Variants in RUNX1T1 observed in about 807,000 individuals in gnomAD.
The protein encoded by RUNX1T1 is protein CBFA2T1.
RUNX1T1 carries 4 observed loss-of-function variants against 62.8 expected under a neutral mutation model. That is an observed-to-expected ratio of 0.06 (90% CI 0.03 to 0.15). RUNX1T1 has a LOEUF of 0.15. Among genes scored for constraint, RUNX1T1 ranks in the 10% least tolerant of loss-of-function variants. The probability of loss-of-function intolerance (pLI) is 1.00; values close to 1 mark genes in which losing one functional copy is unlikely to be tolerated. For missense variants in RUNX1T1, 508 were observed against 754.3 expected (o/e 0.67, Z 3.82); for synonymous variants, 291 against 286.0 (o/e 1.02, Z -0.18).
intron 10 of RUNX1T1, among the ~76,000 whole-genome samples, chr8:91,968,103 C>T (rs1002199440): frequency 1.8e-4 from 28 of 152,166 alleles, no homozygotes; most frequent in Admixed American, 7.2e-4. Context: ...ACCTCTGAGA[C>T]AGTAACTGAG....
chr8:92,064,558 T>G (rs982481112), upstream of RUNX1T1, among the ~76,000 whole-genome samples: 4 of 152,186 alleles, frequency 2.6e-5, no homozygotes, highest in African/African-American at 9.7e-5. Flanking sequence ...CATCCTAAAT[T>G]AGTAGACTTT....
intron 8 of RUNX1T1, among the ~76,000 whole-genome samples, chr8:91,985,541 T>C (rs926961633): frequency 2.6e-5 from 4 of 152,200 alleles, no homozygotes; most frequent in Non-Finnish European, 4.4e-5. Context: ...GGAAGGGTGC[T>C]ACATCTTTAT....
upstream of RUNX1T1, among the ~76,000 whole-genome samples, chr8:92,067,039 C>T (rs1377089459): frequency 6.6e-6 from 1 of 152,122 alleles, no homozygotes; most frequent in African/African-American, 2.4e-5. Flanking sequence ...AAGAACTTTG[C>T]TTAGATGACA....
At chr8:92,041,323 A>G (rs1252636605) in intron 1 of RUNX1T1, among the ~76,000 whole-genome samples, 3 of 152,206 alleles carry the variant, frequency 2.0e-5, no homozygotes, top group African/African-American at 7.2e-5. Flanking sequence ...CAAATACATG[A>G]CTAAAGGCCA....
At chr8:91,999,488 C>G (rs1819351023) in intron 5 of RUNX1T1, among the ~76,000 whole-genome samples, 1 of 152,090 alleles carries the variant, frequency 6.6e-6, no homozygotes, top group East Asian at 1.9e-4. Flanking sequence ...ATAAGTTAAT[C>G]AAAGCATTTT....
exon 10 of RUNX1T1, chr8:91,970,721 C>T (rs1812645968): frequency 6.2e-7 from 1 of 1,613,700 alleles, no homozygotes; most frequent in Non-Finnish European, 8.5e-7. Context: ...GCCGTTTGGC[C>T]TCGGCGACCG....
At chr8:92,021,767 G>A (rs1824143559) in intron 1 of RUNX1T1, among the ~76,000 whole-genome samples, 1 of 151,908 alleles carries the variant, frequency 6.6e-6, no homozygotes, top group Non-Finnish European at 1.5e-5. Flanking sequence ...GTACCAGCAG[G>A]TGTGAGCTTC....
exon 11 of RUNX1T1, chr8:91,959,951 CAG>C (rs1810070335): frequency 7.0e-6 from 3 of 430,498 alleles, no homozygotes; most frequent in Non-Finnish European, 1.3e-5. Flanking sequence ...TTGAAAATAA[CAG>C]GGAGGAGGTC....
chr8:92,010,045 G>A (rs1173315429), intron 4 of RUNX1T1: 1 of 152,152 alleles, frequency 6.6e-6, no homozygotes, highest in Non-Finnish European at 1.5e-5. Context: ...AACCTTATGT[G>A]TCTGATACAG....
intron 5 of RUNX1T1, among the ~76,000 whole-genome samples, chr8:91,999,356 G>A (rs1563718197): frequency 6.6e-6 from 1 of 152,132 alleles, no homozygotes; most frequent in African/African-American, 2.4e-5. Context: ...AAACTCAAGA[G>A]GCTTAATCCT....
chr8:91,999,897 C>T (rs909500078), intron 5 of RUNX1T1, among the ~76,000 whole-genome samples: 1 of 152,118 alleles, frequency 6.6e-6, no homozygotes, highest in Admixed American at 6.6e-5. Context: ...GAGGAGTATG[C>T]AGTAAAGTTA....
chr8:92,062,781 G>A (rs974603333), exon 1 of RUNX1T1: 8 of 1,500,406 alleles, frequency 5.3e-6, no homozygotes, highest in Non-Finnish European at 7.1e-6. Flanking sequence ...AGGATGACAG[G>A]AGCACATGTG....
chr8:92,031,860 G>A (rs181347267), intron 1 of RUNX1T1, among the ~76,000 whole-genome samples: 348 of 152,162 alleles, frequency 2.3e-3, no homozygotes, highest in African/African-American at 7.9e-3. Context: ...GGGAGGCTGA[G>A]GCGGGCGGGT....
chr8:92,008,384 TCTCTCACACACACA>T (rs1370186820), intron 4 of RUNX1T1, among the ~76,000 whole-genome samples: 7 of 72,984 alleles, frequency 9.6e-5, no homozygotes, highest in African/African-American at 3.9e-4. Context: ...TCTCTCTCTC[TCTCTCACACACACA>T]CACACACACA....
chr8:91,977,727 G>C (rs1814286525), intron 8 of RUNX1T1, among the ~76,000 whole-genome samples: 1 of 152,178 alleles, frequency 6.6e-6, no homozygotes, highest in African/African-American at 2.4e-5. Flanking sequence ...TGACTTCAAA[G>C]TAGCAATTTT....
At position 92,060,553 on chromosome 8, in the gene RUNX1T1, A is replaced by ATATG; in HGVS notation, c.7+1992_7+1993insCATA. Reference sequence around the variant, plus strand: ...TATATATATATATATATATATATATATGTGTGTGTGTGTGTGTGTGTGTGT... The same window carrying ATATG: ...TATATATATATATATATATATATATATATGTGTGTGTGTGTGTGTGTGTGTGTGT... On this transcript the variant is annotated intron_variant, in intron 1 of 10. Transcript: ENST00000396218. 1.0e-2 allele frequency among the ~76,000 whole-genome samples: 637 copies of ATATG among 63,824 alleles called. 3 individuals are homozygous for ATATG. Among genetic ancestry groups the ATATG allele is most frequent in the African/African-American group, 0.013 (227 of 17,292 alleles). The allele number at this position is 63,824 out of a possible 152,430, so 41.9% of individuals were successfully genotyped here.
chr8:91,995,530 G>A (rs967305556), intron 5 of RUNX1T1, among the ~76,000 whole-genome samples: 1 of 152,192 alleles, frequency 6.6e-6, no homozygotes, highest in Non-Finnish European at 1.5e-5. Flanking sequence ...ACTAATACCT[G>A]TAGTCCTGGC....
At chr8:92,030,284 T>C (rs1424621338) in intron 1 of RUNX1T1, among the ~76,000 whole-genome samples, 1 of 152,194 alleles carries the variant, frequency 6.6e-6, no homozygotes, top group Non-Finnish European at 1.5e-5. Flanking sequence ...TGTATAATTA[T>C]TTGTCTAACA....
intron 1 of RUNX1T1, among the ~76,000 whole-genome samples, chr8:92,089,899 G>GT (rs983437634): frequency 2.5e-4 from 31 of 124,674 alleles, no homozygotes; most frequent in African/African-American, 9.1e-4. Flanking sequence ...AAGATTTATA[G>GT]TGTCACCCAC....
Sources: gnomAD v4.1 joint callset for allele counts (sites outside exome capture counted in the v4.1 genomes callset) on GRCh38, gnomAD v4.1.1 for gene constraint, MANE v1.5 for transcripts, NCBI Gene and HGNC (gene_info 2026-07-23, HGNC 2026-07-21) for gene names.